The following NBEA variants were observed in gnomAD, a reference collection of about 807,000 sequenced individuals.
NBEA encodes the protein neurobeachin.
Under a neutral mutation model 343.4 loss-of-function variants are expected in NBEA, and 44 were observed. The observed-to-expected ratio is 0.13, with a 90% CI of 0.10 to 0.16. The LOEUF is 0.16. Ranked by LOEUF, NBEA falls within the 10% of genes least tolerant of loss-of-function variation. The pLI is 1.00. For missense variants in NBEA, 2,555 were observed against 3,631.3 expected (o/e 0.70, Z 7.62); for synonymous variants, 1,175 against 1,238.7 (o/e 0.95, Z 1.08).
intron 38 of NBEA, among the ~76,000 whole-genome samples, chr13:35,423,048 G>C (rs186256114): frequency 6.6e-6 from 1 of 152,014 alleles, no homozygotes; most frequent in African/African-American, 2.4e-5. Flanking sequence ...CTGGATATTA[G>C]CCCTTTGTCA....
At chr13:35,484,268 G>GTATATATATA (rs1469143902) in intron 41 of NBEA, among the ~76,000 whole-genome samples, 1 of 107,346 alleles carries the variant, frequency 9.3e-6, no homozygotes, top group Non-Finnish European at 2.1e-5. Context: ...GTGTGTGTGT[G>GTATATATATA]TGTGTGTATA....
chr13:35,116,794 A>G lies in NBEA; in HGVS notation c.2003-620A>G, dbSNP rs1390373749. 4.6e-5 allele frequency among the ~76,000 whole-genome samples: 7 copies of G among 152,004 alleles called. No individual in the cohort carries two copies. The East Asian group carries it at 1.3e-3, about 29-fold the overall frequency. On this transcript the variant is annotated intron_variant, in intron 13 of 58. Transcript: ENST00000379939. Reference sequence around the variant, plus strand: ...AATATATTATATTTTCATTTTTATTAGTAATTAAATATTTTGAAATTACTT... The same window carrying G: ...AATATATTATATTTTCATTTTTATTGGTAATTAAATATTTTGAAATTACTT...
intron 2 of NBEA, among the ~76,000 whole-genome samples, chr13:35,043,609 G>A (rs1434123012): frequency 6.6e-6 from 1 of 151,522 alleles, no homozygotes; most frequent in Admixed American, 6.6e-5. Flanking sequence ...GTGATGACAT[G>A]TTTTATTTCA....
chr13:35,575,352 T>A (rs567718605), intron 45 of NBEA, among the ~76,000 whole-genome samples: 1 of 152,286 alleles, frequency 6.6e-6, no homozygotes, highest in African/African-American at 2.4e-5. Context: ...TTTAACATAT[T>A]TTAGAGAAAC....
chr13:35,469,403 TA>T (rs879561073), intron 40 of NBEA, among the ~76,000 whole-genome samples: 1 of 152,174 alleles, frequency 6.6e-6, no homozygotes, highest in Non-Finnish European at 1.5e-5. Context: ...GTTCAGATTT[TA>T]AATTAGATAA....
intron 41 of NBEA, among the ~76,000 whole-genome samples, chr13:35,505,974 A>G (rs1190365642): frequency 6.6e-6 from 1 of 152,224 alleles, no homozygotes; most frequent in Non-Finnish European, 1.5e-5. Context: ...TAGGTTTGAG[A>G]AATCAAATTC....
At chr13:35,332,797 G>A (rs1718716925) in intron 36 of NBEA, among the ~76,000 whole-genome samples, 1 of 152,080 alleles carries the variant, frequency 6.6e-6, no homozygotes, top group Non-Finnish European at 1.5e-5. Context: ...TATTATGGAG[G>A]TAAAATTCAC....
At chr13:34,955,616 A>G (rs2059466052) in intron 1 of NBEA, among the ~76,000 whole-genome samples, 1 of 152,200 alleles carries the variant, frequency 6.6e-6, no homozygotes, top group Admixed American at 6.5e-5. Context: ...GAGCCACGAA[A>G]GAGTGTTTTC....
chr13:35,076,288 C>T (rs1449302508), intron 10 of NBEA, among the ~76,000 whole-genome samples: 1 of 151,550 alleles, frequency 6.6e-6, no homozygotes, highest in Non-Finnish European at 1.5e-5. Context: ...AAGTGATAGA[C>T]ACAAAAAAAT....
chr13:35,241,371 A>G (rs933684743), intron 34 of NBEA, among the ~76,000 whole-genome samples: 1 of 151,850 alleles, frequency 6.6e-6, no homozygotes, highest in African/African-American at 2.4e-5. Flanking sequence ...CCTTTTGTTA[A>G]TTTAAAAGAC....
rs2076588039 is a variant in NBEA at position 35,494,031 on chromosome 13, A to T, written c.6585+21495A>T. Among the ~76,000 whole-genome samples the T allele has an allele frequency of 5.3e-5, 8 of 152,020 alleles. No individual in the cohort carries two copies. The South Asian group carries it at 1.7e-3, about 31-fold the overall frequency. On this transcript the variant is annotated intron_variant, in intron 41 of 58. Transcript: ENST00000379939. ...TTCAAATTTAAATCTTTAGTTATTA[A>T]ATATTTTTAAAAACAACTCTATATA...
chr13:35,307,167 T>C (rs139001109), intron 35 of NBEA, among the ~76,000 whole-genome samples: 2 of 152,194 alleles, frequency 1.3e-5, no homozygotes, highest in East Asian at 3.9e-4. Context: ...TCTCATCTAG[T>C]CTCGGCATCT....
intron 28 of NBEA, chr13:35,179,874 C>G (rs769325484): frequency 1.8e-5 from 14 of 757,402 alleles, no homozygotes; most frequent in Non-Finnish European, 2.1e-5. Flanking sequence ...TTCTTCACTT[C>G]TCTCTGTGTT....
chr13:35,422,117 G>T (rs760766925), intron 38 of NBEA, among the ~76,000 whole-genome samples: 1 of 82,446 alleles, frequency 1.2e-5, no homozygotes, highest in Non-Finnish European at 2.5e-5. Flanking sequence ...TAGATTCTTC[G>T]TTCTTTCACA....
chr13:35,061,490 A>G (rs1320405690), intron 8 of NBEA, among the ~76,000 whole-genome samples: 1 of 151,656 alleles, frequency 6.6e-6, no homozygotes, highest in African/African-American at 2.4e-5. Flanking sequence ...AAGCTTGCAA[A>G]TCAGATTTTA....
At chr13:35,634,810 A>C (rs1030639817) in intron 49 of NBEA, among the ~76,000 whole-genome samples, 1 of 152,094 alleles carries the variant, frequency 6.6e-6, no homozygotes, top group African/African-American at 2.4e-5. Flanking sequence ...CTTAGCTTAT[A>C]GTTTCTTTTT....
intron 1 of NBEA, among the ~76,000 whole-genome samples, chr13:34,999,600 T>A (rs1295406380): frequency 6.6e-6 from 1 of 152,106 alleles, no homozygotes; most frequent in Non-Finnish European, 1.5e-5. Context: ...CATTAGTGAT[T>A]TTTTTTAAAA....
In NBEA at chr13:35,671,971, C is replaced by G. The variant is rs914472747; in HGVS notation, c.*980C>G. On this transcript the variant is annotated 3_prime_UTR_variant, in exon 59 of 59. Transcript: ENST00000379939. ...ATAATCTGATGCTAACTTTTTTTTT[C>G]TCTTTGGTTCTTGAATAGCTTAGTT... 3 of 151,868 alleles carry G rather than the reference C, an allele frequency of 2.0e-5. No individual in the cohort carries two copies. Among genetic ancestry groups the G allele is most frequent in the Non-Finnish European group, 4.4e-5 (3 of 67,900 alleles). The allele number at this position is 151,868 out of a possible 1,614,324, so 9.4% of individuals were successfully genotyped here.
At chr13:35,524,365 G>A (rs1178758734) in intron 41 of NBEA, among the ~76,000 whole-genome samples, 2 of 152,174 alleles carry the variant, frequency 1.3e-5, no homozygotes, top group East Asian at 1.9e-4. Context: ...ATAGGAGCTC[G>A]GGGAGTGCCT....
Sources: allele counts gnomAD v4.1 joint callset (sites outside exome capture counted in the v4.1 genomes callset), GRCh38; gene constraint gnomAD v4.1.1; transcripts MANE v1.5; gene names NCBI Gene and HGNC (gene_info 2026-07-23, HGNC 2026-07-21).